The following ZNF804B variants were observed in gnomAD, a reference collection of about 807,000 sequenced individuals.
The protein encoded by ZNF804B is zinc finger 804B.
A neutral mutation model predicts 101.4 loss-of-function variants in ZNF804B; 80 were observed. The ratio of observed to expected loss-of-function variants is 0.79; its 90% confidence interval spans 0.66 to 0.95. ZNF804B has a LOEUF of 0.95. ZNF804B is among the 40% of genes least tolerant of loss of function. The pLI, the probability that ZNF804B is intolerant of heterozygous loss-of-function variation, is 0.00. For synonymous variants in ZNF804B, 622 were observed against 558.8 expected (o/e 1.11, Z -1.59); for missense variants, 1,673 against 1,561.9 (o/e 1.07, Z -1.20).
chr7:89,251,971 A>G (rs1402344848), intron 2 of ZNF804B, among the ~76,000 whole-genome samples: 1 of 152,156 alleles, frequency 6.6e-6, no homozygotes, highest in East Asian at 1.9e-4. Flanking sequence ...AGAACCTAAG[A>G]AATGGCATTC....
chr7:89,139,383 A>G (rs1156920988), intron 1 of ZNF804B, among the ~76,000 whole-genome samples: 2 of 152,068 alleles, frequency 1.3e-5, no homozygotes, highest in Non-Finnish European at 1.5e-5. Context: ...AAATAAAACA[A>G]TGATGATCTT....
chr7:88,932,415 G>A (rs749867002), intron 1 of ZNF804B, among the ~76,000 whole-genome samples: 33 of 151,444 alleles, frequency 2.2e-4, no homozygotes, highest in Admixed American at 7.9e-4. Flanking sequence ...AAAAATAAAT[G>A]AAATTGAAAC....
At chr7:89,111,647 C>T (rs967372272) in intron 1 of ZNF804B, among the ~76,000 whole-genome samples, 2 of 152,116 alleles carry the variant, frequency 1.3e-5, no homozygotes, top group South Asian at 2.1e-4. Context: ...CAAATATTTT[C>T]TCTCAGTCTG....
intron 2 of ZNF804B, among the ~76,000 whole-genome samples, chr7:89,319,761 T>C (rs1356699391): frequency 3.3e-5 from 5 of 152,152 alleles, no homozygotes; most frequent in Non-Finnish European, 7.3e-5. Context: ...AGGTAGTGTC[T>C]ATATGCAAAT....
intron 1 of ZNF804B, among the ~76,000 whole-genome samples, chr7:89,054,558 A>G (rs1789261447): frequency 1.3e-5 from 2 of 152,042 alleles, no homozygotes; most frequent in African/African-American, 2.4e-5. Context: ...AAGGAAGGAA[A>G]GAGGAACAAG....
At position 88,880,706 on chromosome 7, in the gene ZNF804B, G is replaced by T. The variant is rs577204380; in HGVS notation, c.108+120622G>T. ...GGCAGGAGCAATTTATACACAATGA[G>T]ACAAACCAAGGAAGAAAATTTTAAT... On this transcript the variant is annotated intron_variant, in intron 1 of 3. Coordinates refer to ENST00000333190, the MANE Select transcript of ZNF804B (RefSeq NM_181646.5). Among the ~76,000 whole-genome samples, 224 of 152,130 alleles carry T rather than the reference G, an allele frequency of 1.5e-3. 1 individual carries two copies. The highest frequency in any genetic ancestry group is 2.4e-3 in the Non-Finnish European group (166 of 67,944).
chr7:89,049,754 G>A (rs902557325), intron 1 of ZNF804B, among the ~76,000 whole-genome samples: 2 of 152,146 alleles, frequency 1.3e-5, no homozygotes, highest in African/African-American at 4.8e-5. Context: ...GCTCAGGCCT[G>A]TAATCCCAGC....
At chr7:88,900,224 T>G (rs1207220791) in intron 1 of ZNF804B, among the ~76,000 whole-genome samples, 2 of 152,038 alleles carry the variant, frequency 1.3e-5, no homozygotes, top group African/African-American at 2.4e-5. Context: ...ACAAAGATGT[T>G]AGTTCAGTGC....
At chr7:89,189,275 A>G (rs781459861) in intron 1 of ZNF804B, among the ~76,000 whole-genome samples, 1 of 152,152 alleles carries the variant, frequency 6.6e-6, no homozygotes, top group Non-Finnish European at 1.5e-5. Context: ...AAAAAAAAAG[A>G]TTAATTTCAA....
chr7:89,298,212 GTGTGTATATATATA>G lies in ZNF804B; in HGVS notation c.250-29130_250-29117del, dbSNP rs1339880566. ...ATATATATCTATATAGTGTGTGTGT[GTGTGTATATATATA>G]TATATATATATATATATATATATAT... On this transcript the variant is annotated intron_variant, in intron 2 of 3. Transcript: ENST00000333190. 7.5e-4 allele frequency among the ~76,000 whole-genome samples: 49 copies of G among 65,274 alleles called. 2 individuals carry two copies. Among genetic ancestry groups the G allele is most frequent in the Admixed American group, 7.0e-3 (36 of 5,134 alleles). The allele number at this position is 65,274 out of a possible 152,430, so 42.8% of individuals were successfully genotyped here.
At chr7:89,088,638 A>G (rs1789840535) in intron 1 of ZNF804B, among the ~76,000 whole-genome samples, 1 of 145,824 alleles carries the variant, frequency 6.9e-6, no homozygotes, top group South Asian at 2.3e-4. Context: ...CCTGCATCCT[A>G]GATAAGAGTC....
intron 1 of ZNF804B, among the ~76,000 whole-genome samples, chr7:88,771,855 G>A (rs942887391): frequency 3.9e-5 from 6 of 152,080 alleles, no homozygotes; most frequent in African/African-American, 1.4e-4. Context: ...CTTGAGAGGA[G>A]ATATGAATTA....
At chr7:89,176,383 T>C (rs374473196) in intron 1 of ZNF804B, among the ~76,000 whole-genome samples, 3 of 152,022 alleles carry the variant, frequency 2.0e-5, no homozygotes, top group Admixed American at 6.6e-5. Flanking sequence ...TCTGTTGATA[T>C]GATGTAGCAC....
intron 1 of ZNF804B, among the ~76,000 whole-genome samples, chr7:89,148,783 T>G (rs1340571238): frequency 6.6e-6 from 1 of 152,108 alleles, no homozygotes; most frequent in African/African-American, 2.4e-5. Context: ...ATAAATTATG[T>G]TGTATTGACT....
At chr7:88,898,574 G>A (rs1792343869) in intron 1 of ZNF804B, among the ~76,000 whole-genome samples, 1 of 151,844 alleles carries the variant, frequency 6.6e-6, no homozygotes, top group Admixed American at 6.6e-5. Context: ...CATTTATATG[G>A]TCACACCTCT....
intron 1 of ZNF804B, among the ~76,000 whole-genome samples, chr7:89,038,283 A>C (rs1182364030): frequency 6.6e-6 from 1 of 152,148 alleles, no homozygotes. Context: ...ATTTCTACCA[A>C]CAGTGTACGA....
intron 1 of ZNF804B, among the ~76,000 whole-genome samples, chr7:88,876,457 T>C (rs1028120234): frequency 5.3e-5 from 8 of 152,216 alleles, no homozygotes; most frequent in Non-Finnish European, 1.2e-4. Context: ...TCTATACCTT[T>C]ATTTACAATT....
chr7:89,127,928 G>GA (rs1055346187), intron 1 of ZNF804B, among the ~76,000 whole-genome samples: 1 of 151,392 alleles, frequency 6.6e-6, no homozygotes, highest in African/African-American at 2.4e-5. Context: ...AAAACTTCAG[G>GA]ATTTTTTTCT....
chr7:89,265,771 T>C (rs1789782881), intron 2 of ZNF804B, among the ~76,000 whole-genome samples: 1 of 152,242 alleles, frequency 6.6e-6, no homozygotes, highest in South Asian at 2.1e-4. Context: ...ACAGCAGTAA[T>C]ATATCTTCTG....
Sources: allele counts gnomAD v4.1 joint callset (sites outside exome capture counted in the v4.1 genomes callset), GRCh38; gene constraint gnomAD v4.1.1; transcripts MANE v1.5; gene names NCBI Gene and HGNC (gene_info 2026-07-23, HGNC 2026-07-21).